The following C5orf34 variants were observed in gnomAD, a reference collection of about 807,000 sequenced individuals.
The protein encoded by C5orf34 is chromosome 5 open reading frame 34.
A neutral mutation model predicts 78.4 loss-of-function variants in C5orf34; 73 were observed. The ratio of observed to expected loss-of-function variants is 0.93; its 90% CI spans 0.77 to 1.13. The LOEUF (loss-of-function observed/expected upper bound fraction) is 1.13, where lower values mean the gene tolerates loss of function less well. C5orf34 is among the 50% of genes most tolerant of loss of function. C5orf34 has a pLI of 0.00. For missense variants in C5orf34, 730 were observed against 732.7 expected, an observed-to-expected ratio of 1.00 and a Z score of 0.04; for synonymous variants, 251 against 246.6, an observed-to-expected ratio of 1.02 and a Z score of -0.17.
chr5:43,497,595 C>T (rs903498419), intron 6 of C5orf34, among the ~76,000 whole-genome samples: 2 of 152,168 alleles, frequency 1.3e-5, no homozygotes, highest in Non-Finnish European at 2.9e-5. Flanking sequence ...GGCTATACAA[C>T]CTTTTGTAAG....
At chr5:43,497,969 T>C (rs1745611632) in intron 6 of C5orf34, among the ~76,000 whole-genome samples, 2 of 152,226 alleles carry the variant, frequency 1.3e-5, no homozygotes, top group East Asian at 3.9e-4. Flanking sequence ...TTTGCCTAGC[T>C]AACACCTGTT....
chr5:43,499,425 T>C (rs963797528), intron 6 of C5orf34, among the ~76,000 whole-genome samples: 1 of 152,156 alleles, frequency 6.6e-6, no homozygotes, highest in African/African-American at 2.4e-5. Context: ...CAAGTTCTTA[T>C]CTCTATGGAA....
chr5:43,495,654 T>A, intron 6 of C5orf34: 1 of 1,586,210 alleles, frequency 6.3e-7, no homozygotes, highest in South Asian at 1.1e-5. Context: ...AGAACACCAG[T>A]CTCCACTCGG....
At chr5:43,513,172 A>G (rs1746349077) in intron 1 of C5orf34, among the ~76,000 whole-genome samples, 1 of 152,170 alleles carries the variant, frequency 6.6e-6, no homozygotes, top group South Asian at 2.1e-4. Flanking sequence ...ATGTCAGGAT[A>G]TAAGTAAATA....
intron 6 of C5orf34, chr5:43,495,995 A>G (rs187617805): frequency 6.3e-7 from 1 of 1,591,220 alleles, no homozygotes; most frequent in African/African-American, 1.3e-5. Flanking sequence ...AGTGGAATCC[A>G]TTTTGTTAAC....
chr5:43,499,705 TATC>T (rs759881229), intron 6 of C5orf34, among the ~76,000 whole-genome samples: 87 of 152,302 alleles, frequency 5.7e-4, no homozygotes, highest in South Asian at 1.5e-3. Flanking sequence ...ACACAAAAGA[TATC>T]ATTGTACGTG....
rs761366269 is a variant in C5orf34, at chr5:43,509,346, G to A, written c.-7C>T. On this transcript the variant is annotated 5_prime_UTR_variant, in exon 2 of 13. Transcript: ENST00000306862. ...TTCGCAGTTCAGCTGCCATTACAAC[G>A]GCAGGATAAGATATCTTCTAAGTCA... The A allele has an allele frequency of 5.3e-5, 78 of 1,484,640 alleles. No homozygotes were observed. Among genetic ancestry groups the A allele is most frequent in the South Asian group, 2.6e-4 (22 of 84,172 alleles). 92.0% of individuals were successfully genotyped at this position (1,484,640 alleles called of 1,614,324 possible).
At chr5:43,505,561 A>G in intron 4 of C5orf34, 187 bp downstream of exon 4, 2 of 553,730 alleles carry the variant, frequency 3.6e-6, no homozygotes, top group Non-Finnish European at 6.3e-6. Flanking sequence ...TCTACATTCA[A>G]TGCATGGACA....
At chr5:43,501,521 G>C (rs1416039249) in intron 6 of C5orf34, among the ~76,000 whole-genome samples, 1 of 152,204 alleles carries the variant, frequency 6.6e-6, no homozygotes, top group Non-Finnish European at 1.5e-5. Context: ...AAGTATTTAT[G>C]AAGAAAACAA....
intron 6 of C5orf34, among the ~76,000 whole-genome samples, chr5:43,497,589 ATACAACC>A (rs1226870339): frequency 6.6e-6 from 1 of 152,202 alleles, no homozygotes; most frequent in Non-Finnish European, 1.5e-5. Flanking sequence ...TGGGCAGGCT[ATACAACC>A]TTTTGTAAGC....
chr5:43,503,634 TCCAACATAGAAG>T lies in C5orf34; in HGVS notation c.1028+19_1028+30del. Reference sequence around the variant, plus strand: ...TGTGACATCAATAAACAGCTCTAACTCCAACATAGAAGCCAACATAGGTGCCTTACCTATATG... The same window carrying T: ...TGTGACATCAATAAACAGCTCTAACTCCAACATAGGTGCCTTACCTATATG... On this transcript the variant is annotated intron_variant, in intron 5 of 12. Transcript: ENST00000306862. 7.1e-7 allele frequency: 1 copy of T among 1,411,412 alleles called. No individual in the cohort carries two copies. Among genetic ancestry groups the T allele is most frequent in the Non-Finnish European group, 1.0e-6 (1 of 995,358 alleles). The allele number at this position is 1,411,412 out of a possible 1,614,324, so 87.4% of individuals were successfully genotyped here.
intron 3 of C5orf34, among the ~76,000 whole-genome samples, chr5:43,507,740 G>C (rs1204131752): frequency 6.6e-6 from 1 of 152,148 alleles, no homozygotes; most frequent in African/African-American, 2.4e-5. Context: ...AACTGCCATA[G>C]ACAAATTAGG....
At chr5:43,504,234 G>C (rs1448230196) in intron 4 of C5orf34, among the ~76,000 whole-genome samples, 1 of 151,750 alleles carries the variant, frequency 6.6e-6, no homozygotes, top group Non-Finnish European at 1.5e-5. Flanking sequence ...TTGAACCCGG[G>C]AGGCGGAGGT....
intron 7 of C5orf34, 60 bp from the exon 8 acceptor site, chr5:43,493,672 C>T (rs1745379647): frequency 2.2e-6 from 2 of 895,240 alleles, no homozygotes; most frequent in Admixed American, 2.3e-5. Flanking sequence ...ATTCTAGCAA[C>T]CCATTTTCAC....
At chr5:43,496,054 C>T (rs1406449328) in intron 6 of C5orf34, 2 of 1,585,190 alleles carry the variant, frequency 1.3e-6, no homozygotes, top group African/African-American at 1.3e-5. Flanking sequence ...GAAGGGCATG[C>T]TCTCAGGTCT....
At chr5:43,493,386 G>A (rs1745364003) in intron 8 of C5orf34, among the ~76,000 whole-genome samples, 157 bp downstream of exon 8, 2 of 151,976 alleles carry the variant, frequency 1.3e-5, no homozygotes, top group Admixed American at 6.6e-5. Flanking sequence ...AACTTTCAGT[G>A]TTTGTCTACT....
chr5:43,496,731 A>T (rs1354995438), intron 6 of C5orf34, among the ~76,000 whole-genome samples: 1 of 139,778 alleles, frequency 7.2e-6, no homozygotes, highest in Admixed American at 7.6e-5. Context: ...CCACAGGCAC[A>T]TGCCACCATA....
chr5:43,493,856 TG>T (rs2112277635), intron 7 of C5orf34, among the ~76,000 whole-genome samples: 1 of 152,300 alleles, frequency 6.6e-6, no homozygotes, highest in African/African-American at 2.4e-5. Flanking sequence ...AATGATTCCA[TG>T]GACAGAATTT....
intron 1 of C5orf34, among the ~76,000 whole-genome samples, chr5:43,510,048 C>T (rs980962687): frequency 3.9e-5 from 6 of 152,086 alleles, no homozygotes; most frequent in African/African-American, 7.2e-5. Context: ...CCACTGCGCC[C>T]GGCCTAAAGA....
Sources: allele counts gnomAD v4.1 joint callset (sites outside exome capture counted in the v4.1 genomes callset), GRCh38; gene constraint gnomAD v4.1.1; transcripts MANE v1.5; gene names NCBI Gene and HGNC (gene_info 2026-07-23, HGNC 2026-07-21).